Variants in RGS6 observed in about 807,000 individuals in gnomAD.
RGS6 encodes regulator of G protein signaling 6, also known as regulator of G-protein signaling 6.
Under a neutral mutation model 78.5 loss-of-function variants are expected in RGS6, and 30 were observed. The observed-to-expected ratio is 0.38, with a 90% CI of 0.29 to 0.52. The LOEUF is 0.52. Among genes scored for constraint, RGS6 ranks in the 20% least tolerant of loss-of-function variants. RGS6 has a pLI of 0.85. For synonymous variants in RGS6, 206 were observed against 206.0 expected, an observed-to-expected ratio of 1.00 and a Z score of 0.00; for missense variants, 495 against 609.7, an observed-to-expected ratio of 0.81 and a Z score of 1.98.
intron 2 of RGS6, among the ~76,000 whole-genome samples, chr14:72,053,406 C>A (rs1567108773): frequency 1.3e-5 from 2 of 152,128 alleles, no homozygotes; most frequent in Middle Eastern, 3.4e-3. Flanking sequence ...GCATGAGCCA[C>A]CGCACCCAGC....
chr14:72,307,961 T>C (rs2067642990), intron 2 of RGS6, among the ~76,000 whole-genome samples: 1 of 152,218 alleles, frequency 6.6e-6, no homozygotes. Context: ...GGTATTTAAA[T>C]AGTAGTCTTT....
At chr14:72,246,908 A>C (rs1255807300) in intron 2 of RGS6, among the ~76,000 whole-genome samples, 1 of 2,568 alleles carries the variant, frequency 3.9e-4, no homozygotes, top group African/African-American at 1.6e-3. Flanking sequence ...TCCATCTCAA[A>C]AAAAAAAAAA....
At chr14:72,619,862 G>T in the RGS6 span, 3 of 1,491,932 alleles carry the variant, frequency 2.0e-6, no homozygotes, top group African/African-American at 4.2e-5. Flanking sequence ...AGTAGTAGTA[G>T]TATCTGTTGC....
intron 4 of RGS6, 79 bp from the exon 5 acceptor site, chr14:72,458,192 A>T (rs2095683042): frequency 9.4e-7 from 1 of 1,067,360 alleles, no homozygotes. Flanking sequence ...ATGACAGTTG[A>T]CTTCTGGTCT....
chr14:72,374,036 A>G (rs905938869), intron 3 of RGS6, among the ~76,000 whole-genome samples: 3 of 152,164 alleles, frequency 2.0e-5, no homozygotes, highest in African/African-American at 7.2e-5. Context: ...AGGCTATCCA[A>G]AGGAATTTAA....
chr14:72,238,125 C>T (rs990102620), intron 2 of RGS6, among the ~76,000 whole-genome samples: 4 of 152,126 alleles, frequency 2.6e-5, no homozygotes, highest in African/African-American at 9.7e-5. Flanking sequence ...GAAGCTTGGC[C>T]GTCTCTGAGG....
At chr14:72,520,423 G>A (rs934578695) in intron 15 of RGS6, among the ~76,000 whole-genome samples, 2 of 152,070 alleles carry the variant, frequency 1.3e-5, no homozygotes, top group South Asian at 4.1e-4. Flanking sequence ...GGATTGTGTG[G>A]TGCTCTCCTA....
the RGS6 span, among the ~76,000 whole-genome samples, chr14:71,867,683 A>G: frequency 2.0e-5 from 3 of 152,200 alleles, no homozygotes; most frequent in Admixed American, 6.5e-5. Context: ...AGAGATGATT[A>G]AGAGAGATGA....
intron 12 of RGS6, among the ~76,000 whole-genome samples, chr14:72,483,728 C>T (rs1566955271): frequency 6.6e-6 from 1 of 151,898 alleles, no homozygotes; most frequent in Non-Finnish European, 1.5e-5. Flanking sequence ...AAAAAAAAGA[C>T]CGGAGGTATC....
Position 72,085,366 on chromosome 14 carries a change from A to G in RGS6, c.84+120491A>G, listed in dbSNP as rs921724348. Reference sequence around the variant, plus strand: ...AGTCACTTGCTCAGTGTCCCTCAGTATTAAGTGATAAAGCAGAGGTATCAA... The same window carrying G: ...AGTCACTTGCTCAGTGTCCCTCAGTGTTAAGTGATAAAGCAGAGGTATCAA... On this transcript the variant is annotated intron_variant, in intron 2 of 17. Coordinates refer to ENST00000553525, the MANE Select transcript of RGS6 (RefSeq NM_001204424.2). Among the ~76,000 whole-genome samples, 3 of 152,206 alleles carry G rather than the reference A, an allele frequency of 2.0e-5. 1 individual carries two copies. Among genetic ancestry groups the G allele is most frequent in the South Asian group, 4.1e-4 (2 of 4,832 alleles).
At chr14:72,622,559 G>C in the RGS6 span, among the ~76,000 whole-genome samples, 1 of 152,010 alleles carries the variant, frequency 6.6e-6, no homozygotes, top group Non-Finnish European at 1.5e-5. Flanking sequence ...CAAATAGGTA[G>C]AATATCCTGG....
chr14:72,229,279 G>A (rs990635313), intron 2 of RGS6, among the ~76,000 whole-genome samples: 20 of 75,708 alleles, frequency 2.6e-4, no homozygotes, highest in African/African-American at 1.0e-3. Context: ...CTCACCCCTT[G>A]GCCCCTACCA....
intron 3 of RGS6, among the ~76,000 whole-genome samples, chr14:72,440,549 A>T (rs1476333889): frequency 3.3e-5 from 5 of 150,730 alleles, no homozygotes; most frequent in African/African-American, 7.4e-5. Flanking sequence ...TGTAGCTGGG[A>T]TTACAGGTAC....
chr14:72,521,854 A>G (rs2097047483), intron 15 of RGS6, among the ~76,000 whole-genome samples: 1 of 152,204 alleles, frequency 6.6e-6, no homozygotes, highest in Non-Finnish European at 1.5e-5. Flanking sequence ...CATGTCAACC[A>G]CTAACGATGT....
At chr14:72,529,566 A>G (rs116026425) in intron 15 of RGS6, among the ~76,000 whole-genome samples, 65 of 150,306 alleles carry the variant, frequency 4.3e-4, no homozygotes, top group African/African-American at 1.6e-3. Flanking sequence ...AGAGTGGACA[A>G]CCTCTCTCTG....
intron 2 of RGS6, among the ~76,000 whole-genome samples, chr14:71,999,653 G>T (rs2083015571): frequency 9.9e-6 from 1 of 101,044 alleles, no homozygotes; most frequent in Non-Finnish European, 2.4e-5. Flanking sequence ...TCCCCTTGGT[G>T]CTATCCCCGC....
chr14:71,998,409 C>G (rs1041137677), intron 2 of RGS6, among the ~76,000 whole-genome samples: 3 of 152,146 alleles, frequency 2.0e-5, no homozygotes, highest in African/African-American at 7.2e-5. Flanking sequence ...TCTGGAAGGG[C>G]AGCCCCAGGG....
chr14:72,416,921 G>A (rs1162710506), intron 3 of RGS6, among the ~76,000 whole-genome samples: 1 of 152,222 alleles, frequency 6.6e-6, no homozygotes, highest in South Asian at 2.1e-4. Context: ...ATGAGGATTA[G>A]ACAGGTTGAT....
intron 2 of RGS6, among the ~76,000 whole-genome samples, chr14:72,183,128 T>G (rs2097195996): frequency 6.6e-6 from 1 of 152,240 alleles, no homozygotes. Flanking sequence ...AAAAGCCCTT[T>G]TTTGTTTGAT....
Sources: gnomAD v4.1 joint callset for allele counts (sites outside exome capture counted in the v4.1 genomes callset) on GRCh38, gnomAD v4.1.1 for gene constraint, MANE v1.5 for transcripts, NCBI Gene and HGNC (gene_info 2026-07-23, HGNC 2026-07-21) for gene names.